The following MTG1 variants were observed in gnomAD, a reference collection of about 807,000 sequenced individuals.
MTG1 encodes mitochondrial ribosome-associated GTPase 1.
MTG1 carries 30 observed loss-of-function variants against 39.5 expected under a neutral mutation model. That is an observed-to-expected ratio of 0.76 (90% CI 0.57 to 1.03). MTG1 has a LOEUF of 1.03. MTG1 is among the 50% of genes least tolerant of loss of function. MTG1 has a pLI of 0.00. For synonymous variants in MTG1, 217 were observed against 179.0 expected (o/e 1.21, Z -1.69); for missense variants, 513 against 447.4 (o/e 1.15, Z -1.32).
chr10:133,394,592 C>T (rs1849753067), intron 1 of MTG1: 1 of 1,311,458 alleles, frequency 7.6e-7, no homozygotes, highest in Non-Finnish European at 9.7e-7. Flanking sequence ...GCTTGACCTC[C>T]TACCTCTGGC....
intron 9 of MTG1, among the ~76,000 whole-genome samples, chr10:133,404,095 T>G (rs1451621441): frequency 6.7e-6 from 1 of 148,502 alleles, no homozygotes; most frequent in East Asian, 2.0e-4. Flanking sequence ...TTTTTTTAAC[T>G]GAGTTGTTTC....
chr10:133,396,963 G>A (rs1051625472), intron 3 of MTG1, among the ~76,000 whole-genome samples: 3 of 152,156 alleles, frequency 2.0e-5, no homozygotes, highest in Admixed American at 6.5e-5. Context: ...TTAGCAGACC[G>A]GGAAAGGGAG....
rs150296896 is a variant in MTG1 at position 133,422,135 on chromosome 10, T to G, written c.*1970T>G. 334 of 153,002 alleles carry G rather than the reference T, an allele frequency of 2.2e-3. 1 individual carries two copies. Among genetic ancestry groups the G allele is most frequent in the Non-Finnish European group, 4.1e-3 (284 of 68,448 alleles). 9.5% of individuals were successfully genotyped at this position (153,002 alleles called of 1,614,324 possible). ...CTCCTGTCCTTGGATGTTGGGGGGC[T>G]CAGCCTCTTGCATGGGTGTCCTGCT... On this transcript the variant is annotated 3_prime_UTR_variant, in exon 11 of 11. Transcript: ENST00000317502.
intron 9 of MTG1, among the ~76,000 whole-genome samples, chr10:133,414,850 C>T (rs1850098280): frequency 2.0e-5 from 3 of 152,360 alleles, no homozygotes; most frequent in South Asian, 2.1e-4. Context: ...GCCGAGATCA[C>T]ACCACTGCAC....
At chr10:133,416,926 G>A (rs1427080789) in intron 9 of MTG1, among the ~76,000 whole-genome samples, 2 of 151,896 alleles carry the variant, frequency 1.3e-5, no homozygotes, top group African/African-American at 4.8e-5. Flanking sequence ...CCCAGTAATG[G>A]GATAGCTGGG....
chr10:133,398,441 A>G lies in MTG1; in HGVS notation c.289A>G (p.Met97Val), dbSNP rs1158458056. ...LADLTEQQKI[M>V]QHLEGEGLKN... ...AATGTTTTGTGTCTTTCAGAAAATT[A>G]TGCAACACTTAGAAGGAGAAGGCCT... Residue 97 changes from methionine (M) to valine (V), a missense_variant, in exon 4 of 11, where the codon ATG becomes GTG. Coordinates refer to ENST00000317502, the MANE Select transcript of MTG1 (RefSeq NM_138384.4). The G allele has an allele frequency of 1.9e-6, 3 of 1,611,674 alleles. No individual in the cohort carries two copies. Among genetic ancestry groups the G allele is most frequent in the Admixed American group, 1.7e-5 (1 of 59,264 alleles).
At chr10:133,398,896 C>T (rs1849827134) in intron 4 of MTG1, among the ~76,000 whole-genome samples, 1 of 152,256 alleles carries the variant, frequency 6.6e-6, no homozygotes, top group East Asian at 1.9e-4. Flanking sequence ...TAGGTGGTCC[C>T]CGGCCCCAGA....
At chr10:133,418,680 C>G (rs917830090) in intron 9 of MTG1, among the ~76,000 whole-genome samples, 2 of 152,118 alleles carry the variant, frequency 1.3e-5, no homozygotes, top group African/African-American at 4.8e-5. Context: ...ATGCTGTGAC[C>G]AGGTCCGAGG....
At chr10:133,400,408 C>T (rs1411409672) in intron 6 of MTG1, among the ~76,000 whole-genome samples, 1 of 152,320 alleles carries the variant, frequency 6.6e-6, no homozygotes, top group Admixed American at 6.5e-5. Flanking sequence ...AAAGCAGGAG[C>T]CCCGAGCACC....
At chr10:133,410,164 G>A (rs1446556842) in intron 9 of MTG1, among the ~76,000 whole-genome samples, 1 of 152,068 alleles carries the variant, frequency 6.6e-6, no homozygotes, top group African/African-American at 2.4e-5. Flanking sequence ...TCCCACCGCA[G>A]CCTCCTGATA....
At chr10:133,394,784 AC>A in intron 1 of MTG1, 1 of 967,230 alleles carries the variant, frequency 1.0e-6, no homozygotes, top group Non-Finnish European at 1.2e-6. Flanking sequence ...CTCCTGCTTA[AC>A]GTCTTTGGTA....
In MTG1 at chr10:133,420,806, A is replaced by G. The variant is rs1394101492; in HGVS notation, c.*641A>G. 1.3e-5 allele frequency: 2 copies of G among 152,398 alleles called. No homozygotes were observed. Among genetic ancestry groups the G allele is most frequent in the East Asian group, 3.9e-4 (2 of 5,192 alleles). The allele number at this position is 152,398 out of a possible 1,614,324, so 9.4% of individuals were successfully genotyped here. A position where few individuals can be genotyped will look rare whatever the true frequency, so the allele number is the denominator to read the frequency against. ...GGCAGGGTTGAGGGGGACGCCCTGC[A>G]CATGGCTTTGCTGTGCAATGACTGG... On this transcript the variant is annotated 3_prime_UTR_variant, in exon 11 of 11. Coordinates refer to ENST00000317502, the MANE Select transcript of MTG1 (RefSeq NM_138384.4).
intron 9 of MTG1, among the ~76,000 whole-genome samples, chr10:133,417,363 T>C (rs954647105): frequency 3.3e-5 from 5 of 151,364 alleles, no homozygotes; most frequent in Non-Finnish European, 4.4e-5. Context: ...AATTAGGTAT[T>C]GATGGGACGT....
chr10:133,403,456 T>C (rs74162005), intron 9 of MTG1, among the ~76,000 whole-genome samples: 11,862 of 151,950 alleles, frequency 0.078, 516 homozygotes, highest in Middle Eastern at 0.12. Context: ...TGCCCCTCCC[T>C]GAGCCCAGGC....
intron 9 of MTG1, among the ~76,000 whole-genome samples, chr10:133,404,741 T>TC (rs775272514): frequency 1.1e-4 from 17 of 152,182 alleles, no homozygotes; most frequent in Non-Finnish European, 2.2e-4. Context: ...AGATTGAAGT[T>TC]CTTTTTTTTT....
In MTG1 at chr10:133,399,219, G is replaced by A. The variant is rs374186091; in HGVS notation, c.413G>A (p.Arg138Gln). Residue 138 changes from arginine (R) to glutamine (Q), a missense_variant, in exon 5 of 11, where the codon CGA (arginine) becomes CAA (glutamine). Transcript: ENST00000317502. ...ELIGRSHRYH[R>Q]KENLEYCIMV... ...ATTGGGAGAAGCCACCGCTACCACC[G>A]AAAAGAGGTTGGTTGGTGGGGCCCA... The A allele has an allele frequency of 5.6e-6, 9 of 1,614,000 alleles. No individual in the cohort carries two copies. In the East Asian group the frequency reaches 1.1e-4, roughly 20 times the overall value.
Position 133,402,847 on chromosome 10 carries a change from A to G in MTG1, c.752+74A>G. On this transcript the variant is annotated intron_variant, in intron 9 of 10. Coordinates refer to ENST00000317502, the MANE Select transcript of MTG1 (RefSeq NM_138384.4). This position sits in a 1 kb window ranked among gnomAD's most constrained non-coding sequence, Gnocchi z 4.7. ...TCATTTAAAAAAAAAAAACAAACAA[A>G]AAAACCCCCAGCATTATAAAGGTAT... 8.9e-7 allele frequency: 1 copy of G among 1,122,636 alleles called. No individual in the cohort carries two copies. 69.5% of individuals were successfully genotyped at this position (1,122,636 alleles called of 1,614,324 possible). A position where few individuals can be genotyped will look rare whatever the true frequency, so the allele number is the denominator to read the frequency against.
chr10:133,402,580 T>A lies in MTG1; in HGVS notation c.671-112T>A, dbSNP rs1849899420. 1.0e-6 allele frequency: 1 copy of A among 1,002,102 alleles called. No homozygotes were observed. The highest frequency in any genetic ancestry group is 1.5e-6 in the Non-Finnish European group (1 of 673,486). 62.1% of individuals were successfully genotyped at this position (1,002,102 alleles called of 1,614,324 possible). ...TTAGTGTCTTTGTCAGTGGCTGGCC[T>A]CTTCCTCACGGCACGGTGTCTTTGG... is the stretch of plus-strand genomic sequence containing the variant. On this transcript the variant is annotated intron_variant, in intron 8 of 10. Coordinates refer to ENST00000317502, the MANE Select transcript of MTG1 (RefSeq NM_138384.4). The surrounding 1 kb of genome is among the most constrained non-coding windows in gnomAD (Gnocchi z 4.7).
intron 6 of MTG1, among the ~76,000 whole-genome samples, chr10:133,400,345 G>A (rs1168250054): frequency 2.6e-5 from 4 of 152,238 alleles, no homozygotes; most frequent in East Asian, 1.9e-4. Flanking sequence ...CCTGGACTCC[G>A]GAGTCGCAGG....
Sources: gnomAD v4.1 joint callset for allele counts (sites outside exome capture counted in the v4.1 genomes callset) on GRCh38, gnomAD v4.1.1 for gene constraint, Gnocchi (gnomAD v3.1) non-coding constraint, MANE v1.5 for transcripts, NCBI Gene and HGNC (gene_info 2026-07-23, HGNC 2026-07-21) for gene names.